CPNE8: variants seen among roughly 807,000 people sequenced by gnomAD.
The protein encoded by CPNE8 is copine-8.
Under a neutral mutation model 81.5 loss-of-function variants are expected in CPNE8, and 45 were observed. The observed-to-expected ratio is 0.55, with a 90% confidence interval of 0.44 to 0.71. The LOEUF (loss-of-function observed/expected upper bound fraction) is 0.71. Among genes scored for constraint, CPNE8 ranks in the 30% least tolerant of loss-of-function variants. The probability of loss-of-function intolerance (pLI) is 0.00; values close to 1 mark genes in which losing one functional copy is unlikely to be tolerated. For missense variants in CPNE8, 594 were observed against 672.1 expected (o/e 0.88, Z 1.28); for synonymous variants, 252 against 226.3 (o/e 1.11, Z -1.02).
intron 6 of CPNE8, among the ~76,000 whole-genome samples, chr12:38,798,482 T>C (rs1942562375): frequency 6.6e-6 from 1 of 152,020 alleles, no homozygotes; most frequent in African/African-American, 2.4e-5. Flanking sequence ...TAAAATACTT[T>C]ACAGACAAGC....
intron 7 of CPNE8, among the ~76,000 whole-genome samples, chr12:38,771,298 CAAAAAAA>C (rs56772312): frequency 7.6e-6 from 1 of 131,448 alleles, no homozygotes; most frequent in East Asian, 2.2e-4. Flanking sequence ...ACATCTCTAT[CAAAAAAA>C]AAAAAAAAAA....
At chr12:38,752,934 GTAAT>G (rs1289885243) in intron 10 of CPNE8, among the ~76,000 whole-genome samples, 2 of 152,102 alleles carry the variant, frequency 1.3e-5, no homozygotes, top group Non-Finnish European at 2.9e-5. Flanking sequence ...AGCAGAAAAA[GTAAT>G]TAATCTGAAT....
intron 5 of CPNE8, among the ~76,000 whole-genome samples, chr12:38,832,207 C>T (rs190063277): frequency 6.6e-6 from 1 of 152,184 alleles, no homozygotes; most frequent in Non-Finnish European, 1.5e-5. Flanking sequence ...GAATTAAAAA[C>T]ACCTGAGTGC....
chr12:38,728,625 C>G (rs1940760773), intron 11 of CPNE8, among the ~76,000 whole-genome samples: 1 of 151,850 alleles, frequency 6.6e-6, no homozygotes, highest in African/African-American at 2.4e-5. Context: ...CCATGGGACA[C>G]CATTAAGCAT....
At chr12:38,833,132 C>G (rs1347345484) in intron 5 of CPNE8, among the ~76,000 whole-genome samples, 3 of 151,824 alleles carry the variant, frequency 2.0e-5, no homozygotes, top group Non-Finnish European at 4.4e-5. Context: ...GCGGGCGGAT[C>G]ACTTGAGGTC....
rs143937583 is a variant in CPNE8 at position 38,779,063 on chromosome 12, C to T, written c.408-2762G>A. On this transcript the variant is annotated intron_variant, in intron 6 of 19. Coordinates refer to ENST00000331366, the MANE Select transcript of CPNE8 (RefSeq NM_153634.3). ...ATTTTTCTAATTCAGCTGTACCTTT[C>T]TCTTCTTCTTTCTATTTGTGAACTA... is the stretch of plus-strand genomic sequence containing the variant. 2.0e-3 allele frequency among the ~76,000 whole-genome samples: 303 copies of T among 152,268 alleles called. 2 individuals carry two copies. Among genetic ancestry groups the T allele is most frequent in the African/African-American group, 7.2e-3 (297 of 41,538 alleles).
chr12:38,899,794 G>A (rs1944434210), intron 1 of CPNE8, among the ~76,000 whole-genome samples: 1 of 151,982 alleles, frequency 6.6e-6, no homozygotes, highest in Non-Finnish European at 1.5e-5. Context: ...ATGACAAAAG[G>A]GTAAGTCAAA....
At chr12:38,877,711 G>A (rs1442652990) in intron 1 of CPNE8, among the ~76,000 whole-genome samples, 4 of 152,048 alleles carry the variant, frequency 2.6e-5, no homozygotes, top group Non-Finnish European at 5.9e-5. Flanking sequence ...TAGACTATGA[G>A]CTTAAAGGGG....
At chr12:38,798,130 A>T (rs1942548972) in intron 6 of CPNE8, among the ~76,000 whole-genome samples, 2 of 152,222 alleles carry the variant, frequency 1.3e-5, no homozygotes, top group African/African-American at 2.4e-5. Context: ...ACTCTGCAAG[A>T]CATTATCCAG....
chr12:38,811,766 G>A (rs1942940135), intron 6 of CPNE8, among the ~76,000 whole-genome samples: 1 of 152,188 alleles, frequency 6.6e-6, no homozygotes, highest in African/African-American at 2.4e-5. Flanking sequence ...TAGCTATTTG[G>A]GAGGCTGAGG....
chr12:38,825,077 T>C (rs1225373796), intron 6 of CPNE8, among the ~76,000 whole-genome samples: 4 of 152,206 alleles, frequency 2.6e-5, no homozygotes, highest in Admixed American at 6.5e-5. Context: ...AGAAGAGCTA[T>C]ACCATAAATA....
intron 14 of CPNE8, among the ~76,000 whole-genome samples, chr12:38,697,339 C>CTTT (rs1939822037): frequency 1.3e-5 from 2 of 152,122 alleles, no homozygotes; most frequent in African/African-American, 4.8e-5. Context: ...TTATAGCCTG[C>CTTT]ATGTATTAGT....
At chr12:38,762,383 A>G (rs1396797241) in intron 8 of CPNE8, among the ~76,000 whole-genome samples, 167 bp from the exon 9 acceptor site, 1 of 152,226 alleles carries the variant, frequency 6.6e-6, no homozygotes, top group East Asian at 1.9e-4. Flanking sequence ...CTGAAAGATC[A>G]CCTCACCATA....
chr12:38,674,649 G>C (rs976528126), intron 18 of CPNE8, among the ~76,000 whole-genome samples: 1 of 152,132 alleles, frequency 6.6e-6, no homozygotes, highest in African/African-American at 2.4e-5. Flanking sequence ...TAAATGACTT[G>C]CTTTTGAAAC....
At chr12:38,786,582 C>A (rs748401275) in intron 6 of CPNE8, among the ~76,000 whole-genome samples, 1 of 151,918 alleles carries the variant, frequency 6.6e-6, no homozygotes, top group African/African-American at 2.4e-5. Flanking sequence ...ACTTTGTGAT[C>A]GTGTGAGTTA....
chr12:38,819,103 A>G (rs913555951), intron 6 of CPNE8, among the ~76,000 whole-genome samples: 5 of 152,140 alleles, frequency 3.3e-5, no homozygotes, highest in African/African-American at 1.2e-4. Context: ...CCCTAATGAT[A>G]GTTTATTTTG....
intron 6 of CPNE8, among the ~76,000 whole-genome samples, chr12:38,810,418 T>C: frequency 6.6e-6 from 1 of 152,194 alleles, no homozygotes; most frequent in South Asian, 2.1e-4. Context: ...CAGAGTCACA[T>C]CTTCATGCTT....
chr12:38,793,371 A>G (rs1347895793), intron 6 of CPNE8, among the ~76,000 whole-genome samples: 8 of 151,756 alleles, frequency 5.3e-5, no homozygotes, highest in African/African-American at 1.7e-4. Context: ...GAACTAATAA[A>G]CAAATTCAAA....
At chr12:38,814,714 C>A (rs1287374304) in intron 6 of CPNE8, among the ~76,000 whole-genome samples, 1 of 152,010 alleles carries the variant, frequency 6.6e-6, no homozygotes, top group Non-Finnish European at 1.5e-5. Flanking sequence ...TATGCTTTGA[C>A]ACAGTCTGGA....
Sources: allele counts gnomAD v4.1 joint callset (sites outside exome capture counted in the v4.1 genomes callset), GRCh38; gene constraint gnomAD v4.1.1; transcripts MANE v1.5; gene names NCBI Gene and HGNC (gene_info 2026-07-23, HGNC 2026-07-21).